Variants in IDO2 observed in about 807,000 individuals in gnomAD.
IDO2 encodes the protein indoleamine 2,3-dioxygenase 2.
IDO2 carries 46 observed loss-of-function variants against 45.1 expected under a neutral mutation model. That is an observed-to-expected ratio of 1.02 (90% CI 0.80 to 1.30). The LOEUF is 1.30. Among genes scored for constraint, IDO2 ranks in the 50% most tolerant of loss-of-function variants. The pLI is 0.00. For missense variants in IDO2, 544 were observed against 491.8 expected (o/e 1.11, Z -1.00); for synonymous variants, 218 against 184.9 (o/e 1.18, Z -1.45).
At chr8:40,014,674 T>A (rs4633046) in intron 10 of IDO2, among the ~76,000 whole-genome samples, 1 of 152,218 alleles carries the variant, frequency 6.6e-6, no homozygotes, top group Non-Finnish European at 1.5e-5. Context: ...AATATTTATA[T>A]ATTGGCAAAC....
chr8:39,945,247 G>T (rs182679980), intron 1 of IDO2, among the ~76,000 whole-genome samples: 1 of 152,368 alleles, frequency 6.6e-6, no homozygotes, highest in Admixed American at 6.5e-5. Flanking sequence ...GCTGAATGGG[G>T]TGACCAAATA....
intron 1 of IDO2, among the ~76,000 whole-genome samples, chr8:39,944,180 T>A (rs1282862496): frequency 6.6e-6 from 1 of 152,192 alleles, no homozygotes; most frequent in Non-Finnish European, 1.5e-5. Context: ...TGTATAATCT[T>A]ATGACCAGAA....
intron 9 of IDO2, among the ~76,000 whole-genome samples, chr8:40,007,634 T>C (rs1802242847): frequency 6.6e-6 from 1 of 152,198 alleles, no homozygotes; most frequent in African/African-American, 2.4e-5. Context: ...GACTGGGATT[T>C]AGGAAGCACC....
At chr8:39,954,278 C>G (rs1807856782) in intron 2 of IDO2, among the ~76,000 whole-genome samples, 1 of 152,152 alleles carries the variant, frequency 6.6e-6, no homozygotes, top group Non-Finnish European at 1.5e-5. Context: ...TAATGTTTCT[C>G]TGAGATGAGG....
At chr8:39,947,193 AAAG>A (rs1807747816) in intron 1 of IDO2, among the ~76,000 whole-genome samples, 2 of 151,356 alleles carry the variant, frequency 1.3e-5, no homozygotes, top group African/African-American at 4.9e-5. Flanking sequence ...AAAAAAAAAA[AAAG>A]AAGTAGAGTG....
chr8:39,977,589 G>A lies in IDO2; in HGVS notation c.196-1478G>A, dbSNP rs572455147. ...CCAGGTACTCAGGAGGCTGAGGCAG[G>A]AGGATTGCTTGAGCCCAGAAGTTCA... On this transcript the variant is annotated intron_variant, in intron 3 of 10. Coordinates refer to ENST00000502986, the Ensembl canonical transcript of IDO2. Among the ~76,000 whole-genome samples the A allele has an allele frequency of 3.3e-5, 5 of 152,334 alleles. No homozygotes were observed. The South Asian group carries it at 1.0e-3, about 32-fold the overall frequency.
intron 3 of IDO2, among the ~76,000 whole-genome samples, chr8:39,966,874 G>A (rs947479348): frequency 3.9e-5 from 6 of 152,124 alleles, no homozygotes; most frequent in Non-Finnish European, 8.8e-5. Context: ...AAAAAGAAGA[G>A]GGTAGCCCAC....
chr8:40,014,229 T>C (rs1180324295), intron 10 of IDO2, among the ~76,000 whole-genome samples: 1 of 152,208 alleles, frequency 6.6e-6, no homozygotes, highest in Admixed American at 6.5e-5. Context: ...AGACACTTCA[T>C]ACTATGGAGT....
exon 7 of IDO2, chr8:39,987,897 C>T (rs1457157305): frequency 6.2e-7 from 1 of 1,610,762 alleles, no homozygotes; most frequent in South Asian, 1.1e-5. Context: ...ATCTCATTTC[C>T]TGGGGGAGAG....
intron 2 of IDO2, among the ~76,000 whole-genome samples, chr8:39,950,828 G>A (rs188610809): frequency 1.3e-5 from 2 of 152,276 alleles, no homozygotes; most frequent in Non-Finnish European, 2.9e-5. Flanking sequence ...ATAAGGAATG[G>A]CATGCACTAT....
chr8:40,005,338 C>T, exon 9 of IDO2: 1 of 1,578,462 alleles, frequency 6.3e-7, no homozygotes, highest in Non-Finnish European at 8.6e-7. Flanking sequence ...TTATGTAGAT[C>T]CAGACATATT....
At chr8:39,984,453 T>C (rs7000513) in intron 5 of IDO2, among the ~76,000 whole-genome samples, 35,096 of 152,112 alleles carry the variant, frequency 0.23, 4,992 homozygotes, top group East Asian at 0.69. Flanking sequence ...CCAGCCTGGG[T>C]GACAGAGTGA....
chr8:39,970,159 G>A (rs1395376511), intron 3 of IDO2, among the ~76,000 whole-genome samples: 1 of 152,154 alleles, frequency 6.6e-6, no homozygotes, highest in African/African-American at 2.4e-5. Context: ...TCAAAGAAAG[G>A]CCCTAATTCT....
chr8:40,014,886 T>C (rs1025133357), intron 10 of IDO2, among the ~76,000 whole-genome samples: 4 of 152,162 alleles, frequency 2.6e-5, no homozygotes, highest in Non-Finnish European at 5.9e-5. Flanking sequence ...CCGTGGGTCA[T>C]GCCTGTAATC....
At chr8:40,010,736 A>G (rs748349440) in intron 9 of IDO2, among the ~76,000 whole-genome samples, 3 of 152,186 alleles carry the variant, frequency 2.0e-5, no homozygotes, top group Admixed American at 1.3e-4. Flanking sequence ...ATTTACTCCA[A>G]TGAGGAAGAC....
chr8:39,976,703 G>A (rs978385646), intron 3 of IDO2, among the ~76,000 whole-genome samples: 10 of 152,162 alleles, frequency 6.6e-5, no homozygotes, highest in Non-Finnish European at 1.3e-4. Context: ...CTTTTAGAGG[G>A]AAAATCACAT....
exon 8 of IDO2, chr8:39,989,795 A>G (rs1808474663): frequency 4.4e-6 from 7 of 1,604,620 alleles, no homozygotes; most frequent in Admixed American, 3.4e-5. Flanking sequence ...AGCGACTGAG[A>G]CTGTCTATTC....
At position 39,949,136 on chromosome 8, in the gene IDO2, A is replaced by G; in HGVS notation, c.-17-13A>G. On this transcript the variant is annotated splice_polypyrimidine_tract_variant and intron_variant, in intron 1 of 10. Transcript: ENST00000502986. ...TAGGAACAATTGATTCTTCAGTGAC[A>G]CTTTCCATGCAGATACTTCAAACAA... 1 of 1,589,240 alleles carries G rather than the reference A, an allele frequency of 6.3e-7. No homozygotes were observed. Among genetic ancestry groups the G allele is most frequent in the East Asian group, 2.3e-5 (1 of 44,290 alleles).
intron 1 of IDO2, among the ~76,000 whole-genome samples, chr8:39,944,696 G>A (rs1163238452): frequency 6.6e-6 from 1 of 152,140 alleles, no homozygotes; most frequent in East Asian, 1.9e-4. Context: ...TTACTTTCCT[G>A]TAACCATTTA....
Sources: allele counts gnomAD v4.1 joint callset (sites outside exome capture counted in the v4.1 genomes callset), GRCh38; gene constraint gnomAD v4.1.1; transcripts MANE v1.5; gene names NCBI Gene and HGNC (gene_info 2026-07-23, HGNC 2026-07-21).